GABRB1: variants seen among roughly 807,000 people sequenced by gnomAD.
GABRB1 encodes gamma-aminobutyric acid type A receptor subunit beta1.
In GABRB1, 17 loss-of-function variants were observed where a neutral mutation model predicts 51.6. The ratio of observed to expected loss-of-function variants is 0.33; its 90% CI spans 0.23 to 0.49. The LOEUF (loss-of-function observed/expected upper bound fraction) is 0.49, where lower values mean the gene tolerates loss of function less well. Among genes scored for constraint, GABRB1 ranks in the 20% least tolerant of loss-of-function variants. The pLI, the probability that GABRB1 is intolerant of heterozygous loss-of-function variation, is 0.99. For missense variants in GABRB1, 410 were observed against 600.6 expected (o/e 0.68, Z 3.32); for synonymous variants, 247 against 218.9 (o/e 1.13, Z -1.14).
chr4:47,151,207 A>G (rs1717433066), intron 3 of GABRB1, among the ~76,000 whole-genome samples: 1 of 152,018 alleles, frequency 6.6e-6, no homozygotes, highest in South Asian at 2.1e-4. Flanking sequence ...GGATATCAGA[A>G]CTGCTTTATT....
At chr4:47,171,604 A>G (rs1202573876) in intron 4 of GABRB1, among the ~76,000 whole-genome samples, 1 of 152,150 alleles carries the variant, frequency 6.6e-6, no homozygotes, top group Non-Finnish European at 1.5e-5. Flanking sequence ...GTATACATGT[A>G]TAAATTCATA....
At position 47,250,857 on chromosome 4, in the gene GABRB1, C is replaced by A. The variant is rs1016105807; in HGVS notation, c.462-69270C>A. 3.9e-5 allele frequency among the ~76,000 whole-genome samples: 6 copies of A among 152,244 alleles called. No individual in the cohort carries two copies. The East Asian group carries it at 1.2e-3, about 29-fold the overall frequency. ...ATGGTTCTCCCTTCACTTCTTGTAT[C>A]ATTTTGTGTATTTCCCCTTGCATTG... On this transcript the variant is annotated intron_variant, in intron 4 of 8. Transcript: ENST00000295454.
At chr4:47,055,241 A>G (rs377476027) in intron 3 of GABRB1, among the ~76,000 whole-genome samples, 5 of 152,364 alleles carry the variant, frequency 3.3e-5, no homozygotes, top group East Asian at 3.9e-4. Context: ...CATGTGTAGC[A>G]TAGAATCTTG....
chr4:47,405,929 T>C (rs1316533271), intron 7 of GABRB1, among the ~76,000 whole-genome samples: 1 of 152,158 alleles, frequency 6.6e-6, no homozygotes, highest in African/African-American at 2.4e-5. Context: ...CTTTTATGAG[T>C]TTACAGACTT....
In GABRB1 at chr4:47,089,648, C is replaced by T. The variant is rs186303845; in HGVS notation, c.240+57164C>T. Among the ~76,000 whole-genome samples, 694 of 152,002 alleles carry T rather than the reference C, an allele frequency of 4.6e-3. 4 individuals are homozygous for T. The highest frequency in any genetic ancestry group is 0.016 in the African/African-American group (678 of 41,452). On this transcript the variant is annotated intron_variant, in intron 3 of 8. Transcript: ENST00000295454. ...AGAAACAAAAATAAATTTAAGAATTCAAATATTCAGATTCAAATATTATAA... is the reference window on the plus strand; with the variant it reads ...AGAAACAAAAATAAATTTAAGAATTTAAATATTCAGATTCAAATATTATAA...
At chr4:47,161,217 C>A (rs767386402) in intron 3 of GABRB1, 32 bp from the exon 4 acceptor site, 3 of 1,136,034 alleles carry the variant, frequency 2.6e-6, no homozygotes, top group Non-Finnish European at 3.7e-6. Context: ...TAGTAAAATT[C>A]TTTTTTTTTT....
chr4:47,018,390 T>C (rs1294530055), intron 1 of GABRB1, among the ~76,000 whole-genome samples: 1 of 152,126 alleles, frequency 6.6e-6, no homozygotes, highest in Non-Finnish European at 1.5e-5. Context: ...TTACATCTAG[T>C]CAATTGTTAA....
intron 3 of GABRB1, among the ~76,000 whole-genome samples, chr4:47,092,261 C>T (rs1215738798): frequency 6.9e-6 from 1 of 145,002 alleles, no homozygotes; most frequent in African/African-American, 2.6e-5. Context: ...CAACCTTGGC[C>T]TCCCTGGTTC....
chr4:47,389,908 G>A (rs1727927037), intron 5 of GABRB1, among the ~76,000 whole-genome samples: 1 of 152,188 alleles, frequency 6.6e-6, no homozygotes, highest in Non-Finnish European at 1.5e-5. Flanking sequence ...GCTTATTTCA[G>A]TAGGTTATTT....
chr4:47,069,929 G>A (rs1727248134), intron 3 of GABRB1, among the ~76,000 whole-genome samples: 1 of 151,890 alleles, frequency 6.6e-6, no homozygotes, highest in South Asian at 2.1e-4. Context: ...CTCATGTCAG[G>A]ATCAATAAAG....
In GABRB1 at chr4:47,286,439, A is replaced by AGAGTCCAT. The variant is rs532147681; in HGVS notation, c.462-33686_462-33679dup. ...AGTGACTCTCCATTGTCTGCAGGAT[A>AGAGTCCAT]GAGTCCATGTTTCCATATAAAGCCT... On this transcript the variant is annotated intron_variant, in intron 4 of 8. Transcript: ENST00000295454. Among the ~76,000 whole-genome samples, 17 of 152,316 alleles carry AGAGTCCAT rather than the reference A, an allele frequency of 1.1e-4. No individual in the cohort carries two copies. In the East Asian group the frequency reaches 2.9e-3, roughly 26 times the overall value.
intron 5 of GABRB1, among the ~76,000 whole-genome samples, chr4:47,322,650 G>A (rs2109965350): frequency 6.6e-6 from 1 of 152,216 alleles, no homozygotes; most frequent in African/African-American, 2.4e-5. Flanking sequence ...TGAATCAACA[G>A]GTGCGTAAGG....
intron 4 of GABRB1, among the ~76,000 whole-genome samples, chr4:47,189,739 A>T (rs977958381): frequency 1.3e-5 from 2 of 151,960 alleles, no homozygotes; most frequent in Non-Finnish European, 2.9e-5. Context: ...TGGAATATTA[A>T]TTCTTCAAGG....
At chr4:47,120,853 A>G (rs1049882503) in intron 3 of GABRB1, among the ~76,000 whole-genome samples, 1 of 152,016 alleles carries the variant, frequency 6.6e-6, no homozygotes, top group Admixed American at 6.6e-5. Context: ...CCAGGTTGCA[A>G]GAGTCCTTTT....
In GABRB1 at chr4:47,188,038, A is replaced by G. The variant is rs115788738; in HGVS notation, c.461+26569A>G. Among the ~76,000 whole-genome samples the G allele has an allele frequency of 4.9e-3, 752 of 152,012 alleles. 3 individuals are homozygous for G. Among genetic ancestry groups the G allele is most frequent in the Non-Finnish European group, 8.0e-3 (546 of 67,896 alleles). On this transcript the variant is annotated intron_variant, in intron 4 of 8. Coordinates refer to ENST00000295454, the MANE Select transcript of GABRB1 (RefSeq NM_000812.4). ...ATTATAACCATTTTTCAAATCACGT[A>G]TTTGTTGGATACCTATCTCCAAACA... is the stretch of plus-strand genomic sequence containing the variant.
intron 4 of GABRB1, among the ~76,000 whole-genome samples, chr4:47,307,510 C>T (rs1392336698): frequency 6.6e-6 from 1 of 151,970 alleles, no homozygotes; most frequent in African/African-American, 2.4e-5. Context: ...TCATTGTGAA[C>T]TCTGAAAAGC....
chr4:47,426,447 A>AC (rs1729303362), downstream of GABRB1: 2 of 144,640 alleles, frequency 1.4e-5, no homozygotes, highest in South Asian at 4.4e-4. Context: ...AAAAAAAAAA[A>AC]CATAAAAAAA....
chr4:47,379,662 G>C (rs745705153), intron 5 of GABRB1, among the ~76,000 whole-genome samples: 13 of 152,160 alleles, frequency 8.5e-5, no homozygotes, highest in Admixed American at 6.5e-4. Flanking sequence ...TTAACCATAT[G>C]AGGTTGTTCT....
chr4:47,425,634 T>C lies in GABRB1; in HGVS notation c.1081-40T>C. On this transcript the variant is annotated intron_variant, in intron 8 of 8. Coordinates refer to ENST00000295454, the MANE Select transcript of GABRB1 (RefSeq NM_000812.4). ...ACAGGTTAATGAAAACAGGCAAAGG[T>C]CCTGCAACTTGTGTCCGAGCCTGTT... 5 of 1,472,884 alleles carry C rather than the reference T, an allele frequency of 3.4e-6. No individual in the cohort carries two copies. In the South Asian group the frequency reaches 3.9e-5, roughly 11 times the overall value. 91.2% of individuals were successfully genotyped at this position (1,472,884 alleles called of 1,614,324 possible). A position where few individuals can be genotyped will look rare whatever the true frequency, so the allele number is the denominator to read the frequency against.
Sources: allele counts gnomAD v4.1 joint callset (sites outside exome capture counted in the v4.1 genomes callset), GRCh38; gene constraint gnomAD v4.1.1; transcripts MANE v1.5; gene names NCBI Gene and HGNC (gene_info 2026-07-23, HGNC 2026-07-21).